Variants in TIAM2 observed in about 807,000 individuals in gnomAD.
TIAM2 encodes TIAM Rac1 associated GEF 2, also known as rho guanine nucleotide exchange factor TIAM2.
In TIAM2, 80 loss-of-function variants were observed where a neutral mutation model predicts 152.9. The ratio of observed to expected loss-of-function variants is 0.52; its 90% CI spans 0.44 to 0.63. The LOEUF (loss-of-function observed/expected upper bound fraction) is 0.63, where lower values mean the gene tolerates loss of function less well. Ranked by LOEUF, TIAM2 falls within the 30% of genes least tolerant of loss-of-function variation. The probability of loss-of-function intolerance (pLI) is 0.00; values close to 1 mark genes in which losing one functional copy is unlikely to be tolerated. For synonymous variants in TIAM2, 804 were observed against 838.0 expected, an observed-to-expected ratio of 0.96 and a Z score of 0.70; for missense variants, 1,965 against 2,120.1, an observed-to-expected ratio of 0.93 and a Z score of 1.44.
chr6:155,072,218 T>A (rs1777854437), intron 1 of TIAM2, among the ~76,000 whole-genome samples: 1 of 152,174 alleles, frequency 6.6e-6, no homozygotes, highest in South Asian at 2.1e-4. Flanking sequence ...AACTCGAGCA[T>A]AACAGGATCA....
intron 15 of TIAM2, among the ~76,000 whole-genome samples, chr6:155,224,112 A>C (rs1432924077): frequency 6.6e-6 from 1 of 151,630 alleles, no homozygotes; most frequent in Non-Finnish European, 1.5e-5. Context: ...TTCTGTCAAT[A>C]TTCTTGCGTA....
chr6:155,066,207 A>G (rs1349698716), intron 1 of TIAM2, among the ~76,000 whole-genome samples: 1 of 40,220 alleles, frequency 2.5e-5, no homozygotes, highest in African/African-American at 7.1e-5. Flanking sequence ...GATTACAGGC[A>G]TGAGCCACCG....
intron 9 of TIAM2, among the ~76,000 whole-genome samples, chr6:155,168,046 T>C (rs979251573): frequency 3.9e-5 from 6 of 152,346 alleles, no homozygotes; most frequent in Admixed American, 6.5e-5. Flanking sequence ...TTTAAAAAGA[T>C]ATGAAACTAA....
chr6:154,997,056 C>T (rs1473868234), intron 1 of TIAM2, among the ~76,000 whole-genome samples: 4 of 152,168 alleles, frequency 2.6e-5, no homozygotes, highest in African/African-American at 9.7e-5. Flanking sequence ...GTTCCATCTA[C>T]TGACTTTCCC....
intron 16 of TIAM2, 88 bp downstream of exon 16, chr6:155,240,797 C>A: frequency 7.3e-7 from 1 of 1,366,006 alleles, no homozygotes; most frequent in Non-Finnish European, 9.8e-7. Context: ...CACCTCTGCC[C>A]AGGACACCTG....
At chr6:155,234,979 G>GAGCTAGAGACGGAGCAC (rs1479428820) in intron 15 of TIAM2, among the ~76,000 whole-genome samples, 1 of 152,136 alleles carries the variant, frequency 6.6e-6, no homozygotes, top group Non-Finnish European at 1.5e-5. Flanking sequence ...GAGGGGAACA[G>GAGCTAGAGACGGAGCAC]AGCTAGAGAC....
At chr6:155,228,723 C>A (rs1240569112) in intron 15 of TIAM2, among the ~76,000 whole-genome samples, 1 of 152,124 alleles carries the variant, frequency 6.6e-6, no homozygotes, top group East Asian at 1.9e-4. Flanking sequence ...TTATTCATTC[C>A]TGAATTCCGA....
chr6:155,134,881 A>G (rs963243006), intron 4 of TIAM2, among the ~76,000 whole-genome samples: 17 of 151,992 alleles, frequency 1.1e-4, no homozygotes, highest in Middle Eastern at 3.4e-3. Flanking sequence ...AATTTTTCGT[A>G]TTTTTTGTAG....
intron 1 of TIAM2, among the ~76,000 whole-genome samples, chr6:155,040,709 G>A (rs1182240813): frequency 6.6e-6 from 1 of 151,980 alleles, no homozygotes; most frequent in African/African-American, 2.4e-5. Context: ...AGTAGAGATG[G>A]GGTTTCACCG....
chr6:155,093,873 A>G (rs762974903), intron 2 of TIAM2, among the ~76,000 whole-genome samples: 3 of 152,212 alleles, frequency 2.0e-5, no homozygotes, highest in Non-Finnish European at 4.4e-5. Flanking sequence ...CCTAGGATTT[A>G]GCCTTCTGAA....
Position 155,180,107 on chromosome 6 carries a change from C to T in TIAM2, c.2707+651C>T, listed in dbSNP as rs142195774. Among the ~76,000 whole-genome samples, 138 of 152,204 alleles carry T rather than the reference C, an allele frequency of 9.1e-4. 2 individuals carry two copies. In the East Asian group the frequency reaches 0.019, roughly 22 times the overall value. On this transcript the variant is annotated intron_variant, in intron 12 of 26. Coordinates refer to ENST00000682666, the MANE Select transcript of TIAM2 (RefSeq NM_012454.4). ...CCAGCCTGACCAACATGGAGAAACCCCCTCTCTACTAAAAATACAAAATTA... is the reference window on the plus strand; with the variant it reads ...CCAGCCTGACCAACATGGAGAAACCTCCTCTCTACTAAAAATACAAAATTA...
Position 155,059,317 on chromosome 6 carries a change from TGTGTGTGTGCGC to T in TIAM2, c.-208-30967_-208-30956del, listed in dbSNP as rs879756816. On this transcript the variant is annotated intron_variant, in intron 1 of 26. Transcript: ENST00000682666. Reference sequence around the variant, plus strand: ...GTCTGTGTGTGTGTGTGTGTGTGTGTGTGTGTGTGCGCGTGTATGTTTTTGAGACAGAGTCTC... The same window carrying T: ...GTCTGTGTGTGTGTGTGTGTGTGTGTGTGTATGTTTTTGAGACAGAGTCTC... Among the ~76,000 whole-genome samples, 159 of 131,782 alleles carry T rather than the reference TGTGTGTGTGCGC, an allele frequency of 1.2e-3. 1 individual carries two copies. Among genetic ancestry groups the T allele is most frequent in the Non-Finnish European group, 2.0e-3 (126 of 63,050 alleles). 86.5% of individuals were successfully genotyped at this position (131,782 alleles called of 152,430 possible). A position where few individuals can be genotyped will look rare whatever the true frequency, so the allele number is the denominator to read the frequency against.
At chr6:155,251,214 C>CTGCAT (rs1300343240) in intron 22 of TIAM2, among the ~76,000 whole-genome samples, 193 bp downstream of exon 22, 1 of 152,240 alleles carries the variant, frequency 6.6e-6, no homozygotes, top group Non-Finnish European at 1.5e-5. Flanking sequence ...ATCTTGTTCT[C>CTGCAT]CCTTCTGCTG....
chr6:155,131,253 A>T (rs1250848481), intron 4 of TIAM2, among the ~76,000 whole-genome samples: 1 of 151,992 alleles, frequency 6.6e-6, no homozygotes, highest in Non-Finnish European at 1.5e-5. Flanking sequence ...CGAGCTACTC[A>T]GGAGGCTGAG....
At chr6:155,013,385 C>T (rs933239587) in intron 1 of TIAM2, among the ~76,000 whole-genome samples, 5 of 152,084 alleles carry the variant, frequency 3.3e-5, no homozygotes, top group African/African-American at 4.8e-5. Flanking sequence ...TGGGAGACGG[C>T]TTGCTGGGAG....
intron 15 of TIAM2, among the ~76,000 whole-genome samples, chr6:155,226,255 G>A (rs1011842917): frequency 5.3e-5 from 8 of 152,244 alleles, no homozygotes; most frequent in African/African-American, 9.6e-5. Flanking sequence ...TGTGACGGCT[G>A]AAGGTGTCAT....
intron 14 of TIAM2, among the ~76,000 whole-genome samples, chr6:155,191,267 C>T (rs1243815472): frequency 6.6e-6 from 1 of 152,174 alleles, no homozygotes; most frequent in Admixed American, 6.5e-5. Context: ...AGTCACTTAA[C>T]CTGAAAGCTC....
rs77776412 is a variant in TIAM2 at position 155,125,852 on chromosome 6, A to G, written c.-117-1638A>G. Among the ~76,000 whole-genome samples, 929 of 151,582 alleles carry G rather than the reference A, an allele frequency of 6.1e-3. 6 individuals carry two copies. Among genetic ancestry groups the G allele is most frequent in the East Asian group, 0.018 (93 of 5,174 alleles). Reference sequence around the variant, plus strand: ...GACTCTGTCTCCAAAAAAAGAGAGAAAAAAAAAAGAATTACAAATAGAATA... The same window carrying G: ...GACTCTGTCTCCAAAAAAAGAGAGAGAAAAAAAAGAATTACAAATAGAATA... On this transcript the variant is annotated intron_variant, in intron 2 of 26. Coordinates refer to ENST00000682666, the MANE Select transcript of TIAM2 (RefSeq NM_012454.4).
At chr6:154,999,220 T>TTAA (rs1393501725) in intron 1 of TIAM2, among the ~76,000 whole-genome samples, 1 of 151,764 alleles carries the variant, frequency 6.6e-6, no homozygotes, top group African/African-American at 2.4e-5. Context: ...AATTAATTAA[T>TTAA]TAATTTTTTT....
Sources: allele counts gnomAD v4.1 joint callset (sites outside exome capture counted in the v4.1 genomes callset), GRCh38; gene constraint gnomAD v4.1.1; transcripts MANE v1.5; gene names NCBI Gene and HGNC (gene_info 2026-07-23, HGNC 2026-07-21).